TTC5: variants seen among roughly 807,000 people sequenced by gnomAD.
TTC5 encodes the protein tetratricopeptide repeat protein 5.
Under a neutral mutation model 57.4 loss-of-function variants are expected in TTC5, and 46 were observed. The ratio of observed to expected loss-of-function variants is 0.80; its 90% CI spans 0.63 to 1.03. The LOEUF is 1.03. TTC5 is among the 50% of genes least tolerant of loss of function. TTC5 has a pLI of 0.00. For synonymous variants in TTC5, 190 were observed against 203.5 expected, an observed-to-expected ratio of 0.93 and a Z score of 0.57; for missense variants, 504 against 528.1, an observed-to-expected ratio of 0.95 and a Z score of 0.45.
chr14:20,289,790 T>C lies in TTC5; in HGVS notation c.1204-44A>G, dbSNP rs185668036. On this transcript the variant is annotated intron_variant, in intron 9 of 9. Transcript: ENST00000258821. ...CAAAGGTTCACTACAGATTCCAAGA[T>C]GGAAAAAGCTCCAGCATGGGGATAC... The C allele has an allele frequency of 1.7e-5, 27 of 1,566,482 alleles. No individual in the cohort carries two copies. In the East Asian group the frequency reaches 4.7e-4, roughly 28 times the overall value.
intron 8 of TTC5, 88 bp downstream of exon 8, chr14:20,295,224 A>C: frequency 8.1e-7 from 1 of 1,231,542 alleles, no homozygotes; most frequent in South Asian, 1.3e-5. Context: ...GTGACCACTG[A>C]CAATCTCCTC....
intron 1 of TTC5, among the ~76,000 whole-genome samples, chr14:20,304,581 T>C (rs1882254001): frequency 6.6e-6 from 1 of 152,232 alleles, no homozygotes. Flanking sequence ...TTCACTCCTT[T>C]ATTCCATTCC....
At position 20,286,228 on chromosome 14, in the gene TTC5, G is replaced by A. The variant is rs1434875961; in HGVS notation, c.*3399C>T. 6.6e-6 allele frequency: 1 copy of A among 151,986 alleles called. No homozygotes were observed. The highest frequency in any genetic ancestry group is 2.4e-5 in the African/African-American group (1 of 41,410). 9.4% of individuals were successfully genotyped at this position (151,986 alleles called of 1,614,324 possible). A position where few individuals can be genotyped will look rare whatever the true frequency, so the allele number is the denominator to read the frequency against. ...CATTAAGAAAATGAAAAAGCAAGCT[G>A]CGATTTGGATAAATATATTTGAAAA... On this transcript the variant is annotated 3_prime_UTR_variant, in exon 10 of 10. Coordinates refer to ENST00000258821, the MANE Select transcript of TTC5 (RefSeq NM_138376.3).
At chr14:20,297,588 T>C (rs988673898) in intron 5 of TTC5, among the ~76,000 whole-genome samples, 20 of 152,000 alleles carry the variant, frequency 1.3e-4, no homozygotes. Context: ...CTGGCCAACA[T>C]GGTGAAACCC....
Position 20,299,406 on chromosome 14 carries a change from G to A in TTC5, c.439C>T (p.Arg147Cys), listed in dbSNP as rs1358436582. ...VSLQNLSMVL[R>C]QLRTDTEDEH... ...TCTTCAGTGTCAGTCCGCAGCTGAC[G>A]AAGCACCATTGACAGGTTTTGCAAG... The change falls in exon 4 of 10, where the codon CGT (arginine) becomes TGT (cysteine). Residue 147 changes from arginine (R) to cysteine (C), a missense_variant. Coordinates refer to ENST00000258821, the MANE Select transcript of TTC5 (RefSeq NM_138376.3). The A allele has an allele frequency of 3.1e-6, 5 of 1,613,958 alleles. No individual in the cohort carries two copies. The highest frequency in any genetic ancestry group is 1.3e-5 in the African/African-American group (1 of 74,926).
chr14:20,298,301 T>C (rs1262441377), intron 5 of TTC5, among the ~76,000 whole-genome samples: 1 of 152,206 alleles, frequency 6.6e-6, no homozygotes, highest in Non-Finnish European at 1.5e-5. Flanking sequence ...CTAATTCACT[T>C]AATTCCTAGG....
chr14:20,295,232 C>T, intron 8 of TTC5, 80 bp downstream of exon 8: 1 of 1,344,258 alleles, frequency 7.4e-7, no homozygotes, highest in Admixed American at 1.8e-5. Context: ...TGACAATCTC[C>T]TCAACTGCCA....
At chr14:20,291,841 T>C (rs1264012184) in intron 9 of TTC5, 142 bp downstream of exon 9, 1 of 632,444 alleles carries the variant, frequency 1.6e-6, no homozygotes, top group African/African-American at 1.9e-5. Context: ...TATATATAAA[T>C]AAAACATATA....
chr14:20,304,462 C>T (rs566356567), intron 1 of TTC5, among the ~76,000 whole-genome samples: 37 of 152,280 alleles, frequency 2.4e-4, no homozygotes, highest in Admixed American at 2.3e-3. Context: ...TGAGAAATAT[C>T]CATTTATACA....
chr14:20,287,160 C>T lies in TTC5; in HGVS notation c.*2467G>A, dbSNP rs554633680. The T allele has an allele frequency of 6.6e-6, 1 of 152,266 alleles. No homozygotes were observed. Among genetic ancestry groups the T allele is most frequent in the African/African-American group, 2.4e-5 (1 of 41,562 alleles). The allele number at this position is 152,266 out of a possible 1,614,324, so 9.4% of individuals were successfully genotyped here. On this transcript the variant is annotated 3_prime_UTR_variant, in exon 10 of 10. Transcript: ENST00000258821. ...ATGTCAATACTCTTAAACAGTGGTT[C>T]TCAAATTTTACTGTGCATCAGAGTC...
intron 6 of TTC5, 32 bp downstream of exon 6, chr14:20,296,358 A>G (rs1214465199): frequency 2.6e-6 from 4 of 1,564,510 alleles, no homozygotes; most frequent in Middle Eastern, 1.7e-4. Flanking sequence ...TATTTATTTG[A>G]CCCTCAGATG....
chr14:20,291,105 G>A (rs1566388367), intron 9 of TTC5, among the ~76,000 whole-genome samples: 2 of 151,788 alleles, frequency 1.3e-5, no homozygotes, highest in South Asian at 2.1e-4. Context: ...CCGGGCTGGC[G>A]TGCAATGGGA....
intron 5 of TTC5, 37 bp downstream of exon 5, chr14:20,298,760 T>C (rs947835571): frequency 5.6e-6 from 8 of 1,416,732 alleles, no homozygotes; most frequent in Non-Finnish European, 8.0e-6. Context: ...CTTCTGTTGT[T>C]GCCTATTCAT....
At chr14:20,302,880 A>G (rs138862686) in intron 1 of TTC5, among the ~76,000 whole-genome samples, 24 of 151,924 alleles carry the variant, frequency 1.6e-4, no homozygotes, top group African/African-American at 5.8e-4. Flanking sequence ...AGTGTAAATG[A>G]AACAATTTTT....
rs908563286 is a variant in TTC5, at chr14:20,288,994, G to C, written c.*633C>G. On this transcript the variant is annotated 3_prime_UTR_variant, in exon 10 of 10. Transcript: ENST00000258821. The stretch of plus-strand genomic sequence containing the variant: ...TTCCTGCCTGGGGCTGTCTATTGTC[G>C]GAATTCTTTTAACTGGGAGAGAAAT... The C allele has an allele frequency of 6.6e-6, 1 of 151,920 alleles. No homozygotes were observed. Among genetic ancestry groups the C allele is most frequent in the Non-Finnish European group, 1.5e-5 (1 of 67,996 alleles). 9.4% of individuals were successfully genotyped at this position (151,920 alleles called of 1,614,324 possible).
chr14:20,300,899 T>C, intron 2 of TTC5, 81 bp from the exon 3 acceptor site: 1 of 1,107,092 alleles, frequency 9.0e-7, no homozygotes, highest in East Asian at 2.4e-5. Context: ...TAACTACACG[T>C]CAGTTTTAGG....
chr14:20,299,401 C>T lies in TTC5; in HGVS notation c.444G>A (p.Gln148=). 1 of 1,614,112 alleles carries T rather than the reference C, an allele frequency of 6.2e-7. No homozygotes were observed. Among genetic ancestry groups the T allele is most frequent in the African/African-American group, 1.3e-5 (1 of 75,054 alleles). The stretch of plus-strand genomic sequence containing the variant: ...GTTCATCTTCAGTGTCAGTCCGCAG[C>T]TGACGAAGCACCATTGACAGGTTTT... ...SLQNLSMVLR[Q]LRTDTEDEHS... The change falls in exon 4 of 10, where the codon CAG becomes CAA. Residue 148 remains glutamine, a synonymous_variant. Transcript: ENST00000258821.
chr14:20,292,059 C>G lies in TTC5; in HGVS notation c.1127G>C (p.Trp376Ser), dbSNP rs765359398. 4 of 1,602,446 alleles carry G rather than the reference C, an allele frequency of 2.5e-6. No homozygotes were observed. ...AVMVYNIVQS[W>S]GVLIGDSVAI... ...TACAGAGTCTCCAATGAGCACTCCC[C>G]AGCTCTGCACTATATTGTACACCAT... Residue 376 changes from tryptophan to serine, a missense_variant, in exon 9 of 10, where the codon TGG becomes TCG. Trp to Ser is a radical substitution (Grantham distance 177, BLOSUM62 -3). Coordinates refer to ENST00000258821, the MANE Select transcript of TTC5 (RefSeq NM_138376.3).
rs1881843722 is a variant in TTC5, at chr14:20,286,609, G to T, written c.*3018C>A. ...GAAAAGGACAAAATAACTTCATAAA[G>T]CAGTAGAGGGAAAATGTCCTTATGA... On this transcript the variant is annotated 3_prime_UTR_variant, in exon 10 of 10. Coordinates refer to ENST00000258821, the MANE Select transcript of TTC5 (RefSeq NM_138376.3). The T allele has an allele frequency of 6.6e-6, 1 of 151,998 alleles. No individual in the cohort carries two copies. The allele number at this position is 151,998 out of a possible 1,614,324, so 9.4% of individuals were successfully genotyped here.
Sources: allele counts gnomAD v4.1 joint callset (sites outside exome capture counted in the v4.1 genomes callset), GRCh38; gene constraint gnomAD v4.1.1; transcripts MANE v1.5; gene names NCBI Gene and HGNC (gene_info 2026-07-23, HGNC 2026-07-21).